Variants in CACNA2D3 observed in about 807,000 individuals in gnomAD.
CACNA2D3 encodes the protein calcium voltage-gated channel auxiliary subunit alpha2delta 3.
CACNA2D3 carries 60 observed loss-of-function variants against 160.6 expected under a neutral mutation model. That is an observed-to-expected ratio of 0.37 (90% CI 0.30 to 0.46). The LOEUF (loss-of-function observed/expected upper bound fraction) is 0.46. Among genes scored for constraint, CACNA2D3 ranks in the 20% least tolerant of loss-of-function variants. CACNA2D3 has a pLI of 1.00. For missense variants in CACNA2D3, 1,205 were observed against 1,365.0 expected (o/e 0.88, Z 1.85); for synonymous variants, 558 against 492.9 (o/e 1.13, Z -1.75).
intron 5 of CACNA2D3, among the ~76,000 whole-genome samples, chr3:54,549,100 T>C (rs6445697): frequency 0.98 from 149,330 of 152,278 alleles, 73,272 homozygotes; most frequent in Non-Finnish European, 1. Flanking sequence ...GTCTCTCCAA[T>C]ATAAATCTCA....
At chr3:54,967,669 A>G (rs1013088923) in intron 27 of CACNA2D3, among the ~76,000 whole-genome samples, 6 of 152,010 alleles carry the variant, frequency 3.9e-5, no homozygotes, top group Non-Finnish European at 8.8e-5. Context: ...TGCCCTTACC[A>G]TTTTACTTCC....
At chr3:54,685,357 A>G (rs1189774393) in intron 11 of CACNA2D3, among the ~76,000 whole-genome samples, 1 of 152,244 alleles carries the variant, frequency 6.6e-6, no homozygotes, top group Non-Finnish European at 1.5e-5. Context: ...CTGTAGCATT[A>G]AAGCAGTCAT....
At chr3:55,012,858 G>T (rs3773567) in intron 34 of CACNA2D3, among the ~76,000 whole-genome samples, 1 of 151,944 alleles carries the variant, frequency 6.6e-6, no homozygotes, top group Non-Finnish European at 1.5e-5. Flanking sequence ...GGTATGGTCT[G>T]TGCACCCATG....
chr3:54,607,085 C>G (rs527563740), intron 9 of CACNA2D3, among the ~76,000 whole-genome samples: 1 of 152,110 alleles, frequency 6.6e-6, no homozygotes, highest in South Asian at 2.1e-4. Flanking sequence ...GACAAAAACC[C>G]AATTTTAAGG....
At chr3:54,983,240 G>C (rs959279470) in intron 29 of CACNA2D3, among the ~76,000 whole-genome samples, 3 of 152,228 alleles carry the variant, frequency 2.0e-5, no homozygotes, top group African/African-American at 7.2e-5. Context: ...TCACTAACCA[G>C]AGGTAGCTGT....
chr3:55,052,330 A>G (rs1704245834), intron 35 of CACNA2D3, among the ~76,000 whole-genome samples: 1 of 152,174 alleles, frequency 6.6e-6, no homozygotes, highest in African/African-American at 2.4e-5. Context: ...AAAATTGTAA[A>G]GATTTGCTTT....
chr3:54,441,057 G>A (rs370709981), intron 4 of CACNA2D3, among the ~76,000 whole-genome samples: 2 of 151,940 alleles, frequency 1.3e-5, no homozygotes, highest in African/African-American at 2.4e-5. Context: ...CTGAGGAATC[G>A]CCACACTGAC....
In CACNA2D3 at chr3:54,642,204, A is replaced by G. The variant is rs1305760586; in HGVS notation, c.1130A>G (p.Asp377Gly). The stretch of plus-strand genomic sequence containing the variant: ...ACTGATGGGGCGGTGGACACCTATG[A>G]TACAATCTTTGCAAAATACAATTGG... ...LITDGAVDTY[D>G]TIFAKYNWPD... The change falls in exon 11 of 38, where the codon GAT (aspartate) becomes GGT (glycine). Residue 377 changes from aspartate (D) to glycine (G), a missense_variant. By Grantham distance (94) the Asp-to-Gly change is moderately conservative. Transcript: ENST00000474759. The G allele has an allele frequency of 2.5e-6, 4 of 1,612,934 alleles. No individual in the cohort carries two copies. Among genetic ancestry groups the G allele is most frequent in the South Asian group, 1.1e-5 (1 of 90,670 alleles).
chr3:54,317,537 C>T (rs1559447712), intron 2 of CACNA2D3, among the ~76,000 whole-genome samples: 1 of 150,046 alleles, frequency 6.7e-6, no homozygotes, highest in East Asian at 2.0e-4. Flanking sequence ...GCCAAACTCA[C>T]TTTTTTTTTT....
chr3:54,452,779 G>A (rs1486595528), intron 4 of CACNA2D3, among the ~76,000 whole-genome samples: 1 of 152,074 alleles, frequency 6.6e-6, no homozygotes, highest in Non-Finnish European at 1.5e-5. Flanking sequence ...TGTCAGCAGG[G>A]CGATGCTCCC....
intron 27 of CACNA2D3, among the ~76,000 whole-genome samples, chr3:54,905,760 A>G (rs1575543645): frequency 6.6e-6 from 1 of 152,300 alleles, no homozygotes; most frequent in African/African-American, 2.4e-5. Flanking sequence ...GACAGCCTCC[A>G]CAACAAAGAA....
chr3:54,466,761 C>T (rs988835045), intron 4 of CACNA2D3, among the ~76,000 whole-genome samples: 2 of 152,126 alleles, frequency 1.3e-5, no homozygotes, highest in Non-Finnish European at 2.9e-5. Context: ...TTGTTAGTTG[C>T]CTAACACTGT....
rs141305753 is a variant in CACNA2D3 at position 54,920,202 on chromosome 3, T to C, written c.2449+20334T>C. Among the ~76,000 whole-genome samples, 44 of 152,320 alleles carry C rather than the reference T, an allele frequency of 2.9e-4. No individual in the cohort carries two copies. The East Asian group carries it at 7.3e-3, about 25-fold the overall frequency. ...ACTTCAACATTATTAGCACCCTCCATTGCATGGCACTTCAGAGTTTTAGGA... is the reference window on the plus strand; with the variant it reads ...ACTTCAACATTATTAGCACCCTCCACTGCATGGCACTTCAGAGTTTTAGGA... On this transcript the variant is annotated intron_variant, in intron 27 of 37. Coordinates refer to ENST00000474759, the MANE Select transcript of CACNA2D3 (RefSeq NM_018398.3).
intron 2 of CACNA2D3, among the ~76,000 whole-genome samples, chr3:54,296,989 A>T (rs1003099892): frequency 1.3e-5 from 2 of 152,144 alleles, no homozygotes; most frequent in African/African-American, 4.8e-5. Flanking sequence ...TACCTCCTCC[A>T]CTTCCTACCT....
At chr3:54,246,158 G>A (rs1377154016) in intron 2 of CACNA2D3, among the ~76,000 whole-genome samples, 3 of 152,174 alleles carry the variant, frequency 2.0e-5, no homozygotes, top group Non-Finnish European at 4.4e-5. Context: ...TCTCAGAAAT[G>A]GCTCGAAGGA....
intron 2 of CACNA2D3, among the ~76,000 whole-genome samples, chr3:54,155,470 C>T (rs1700229539): frequency 6.6e-6 from 1 of 152,216 alleles, no homozygotes; most frequent in East Asian, 1.9e-4. Context: ...CTGCTCACAT[C>T]TATCGGTCAG....
intron 13 of CACNA2D3, among the ~76,000 whole-genome samples, chr3:54,806,243 G>A (rs1300777300): frequency 1.3e-5 from 2 of 152,128 alleles, no homozygotes; most frequent in Non-Finnish European, 2.9e-5. Context: ...TATTCAATTA[G>A]GAAAAGAGGA....
At chr3:54,895,652 G>A (rs974217275) in intron 25 of CACNA2D3, among the ~76,000 whole-genome samples, 11 of 152,158 alleles carry the variant, frequency 7.2e-5, no homozygotes, top group African/African-American at 2.7e-4. Context: ...TGCCATTTCT[G>A]CTTCAACTCA....
chr3:54,463,236 G>A (rs192689284), intron 4 of CACNA2D3, among the ~76,000 whole-genome samples: 3,478 of 152,044 alleles, frequency 0.023, 133 homozygotes, highest in African/African-American at 0.079. Context: ...ACTTTGGTGA[G>A]TCTGACAATT....
Sources: allele counts gnomAD v4.1 joint callset (sites outside exome capture counted in the v4.1 genomes callset), GRCh38; gene constraint gnomAD v4.1.1; transcripts MANE v1.5; gene names NCBI Gene and HGNC (gene_info 2026-07-23, HGNC 2026-07-21).